The following IFNGR2 variants were observed in gnomAD, a reference collection of about 807,000 sequenced individuals.
IFNGR2 encodes IFN-gamma receptor 2.
Under a neutral mutation model 41.1 loss-of-function variants are expected in IFNGR2, and 15 were observed. The observed-to-expected ratio is 0.37, with a 90% CI of 0.24 to 0.56. The LOEUF is 0.56. Ranked by LOEUF, IFNGR2 falls within the 20% of genes least tolerant of loss-of-function variation. IFNGR2 has a pLI of 0.81. For synonymous variants in IFNGR2, 161 were observed against 171.6 expected (o/e 0.94, Z 0.48); for missense variants, 362 against 415.7 (o/e 0.87, Z 1.12).
In IFNGR2 at chr21:33,412,496, A is replaced by G. The variant is rs576994289; in HGVS notation, c.74-2392A>G. On this transcript the variant is annotated intron_variant, in intron 1 of 6. Transcript: ENST00000290219. The stretch of plus-strand genomic sequence containing the variant: ...GTCTAATCAAGCTGTGAGGTCCCCG[A>G]TACCGTCAAGGCCTGTCTCCTAAAT... Among the ~76,000 whole-genome samples, 3 of 152,310 alleles carry G rather than the reference A, an allele frequency of 2.0e-5. No homozygotes were observed. The East Asian group carries it at 5.8e-4, about 29-fold the overall frequency.
chr21:33,434,254 AC>A (rs2083920837), intron 6 of IFNGR2, among the ~76,000 whole-genome samples: 1 of 152,102 alleles, frequency 6.6e-6, no homozygotes, highest in Non-Finnish European at 1.5e-5. Context: ...GGGCGCAGTG[AC>A]CCACACCTGT....
intron 4 of IFNGR2, among the ~76,000 whole-genome samples, chr21:33,429,535 C>A (rs755975107): frequency 6.6e-6 from 1 of 152,108 alleles, no homozygotes; most frequent in Non-Finnish European, 1.5e-5. Flanking sequence ...GAGGAAAGTC[C>A]GCAGGTGTCC....
intron 2 of IFNGR2, 50 bp from the exon 3 acceptor site, chr21:33,421,430 A>T: frequency 7.0e-7 from 1 of 1,436,400 alleles, no homozygotes; most frequent in Non-Finnish European, 9.8e-7. Context: ...GGAAACTATT[A>T]CACATGAAAC....
intron 1 of IFNGR2, among the ~76,000 whole-genome samples, chr21:33,405,521 A>C (rs1272156476): frequency 6.6e-6 from 1 of 152,180 alleles, no homozygotes; most frequent in Non-Finnish European, 1.5e-5. Context: ...TGGGATCAGC[A>C]GGCGAGTGAC....
At chr21:33,428,076 C>T (rs1232191300) in intron 4 of IFNGR2, among the ~76,000 whole-genome samples, 2 of 151,912 alleles carry the variant, frequency 1.3e-5, no homozygotes, top group African/African-American at 4.8e-5. Context: ...GAATCCAAGT[C>T]GTTAAGTGGC....
intron 2 of IFNGR2, among the ~76,000 whole-genome samples, chr21:33,419,759 A>G (rs1367224052): frequency 6.6e-6 from 1 of 152,064 alleles, no homozygotes; most frequent in East Asian, 1.9e-4. Flanking sequence ...GTCAAAGGGG[A>G]TGGACTTACT....
At chr21:33,417,095 CT>C (rs1225477655) in intron 2 of IFNGR2, among the ~76,000 whole-genome samples, 53 of 143,034 alleles carry the variant, frequency 3.7e-4, no homozygotes, top group Middle Eastern at 7.1e-3. Flanking sequence ...CAGATAACTT[CT>C]TTTTTTTTTT....
chr21:33,427,009 T>C lies in IFNGR2; in HGVS notation c.538T>C (p.Trp180Arg), dbSNP rs1234315026. ...TAFFCYYVHY[W>R]EKGGIQQVKG... ...CTTTTTTTGTTATTATGTCCATTAC[T>C]GGGAAAAAGGAGGAATCCAACAGGC... Residue 180 changes from tryptophan to arginine, a missense_variant, in exon 4 of 7, where the codon TGG (tryptophan) becomes CGG (arginine). Trp to Arg is a moderately radical substitution (Grantham distance 101, BLOSUM62 -3). Coordinates refer to ENST00000290219, the MANE Select transcript of IFNGR2 (RefSeq NM_005534.4). The C allele has an allele frequency of 3.7e-6, 6 of 1,611,874 alleles. No individual in the cohort carries two copies. The Admixed American group carries it at 1.0e-4, about 27-fold the overall frequency.
intron 2 of IFNGR2, among the ~76,000 whole-genome samples, chr21:33,415,670 C>A (rs1387016105): frequency 6.6e-6 from 1 of 152,110 alleles, no homozygotes; most frequent in Non-Finnish European, 1.5e-5. Flanking sequence ...TTTGGTAAAC[C>A]AAATGTAAAG....
intron 3 of IFNGR2, among the ~76,000 whole-genome samples, chr21:33,424,943 CTT>C (rs1568958702): frequency 1.3e-5 from 2 of 151,898 alleles, no homozygotes; most frequent in African/African-American, 2.4e-5. Flanking sequence ...GAGTTTCACT[CTT>C]GTCACCCGGG....
intron 4 of IFNGR2, among the ~76,000 whole-genome samples, chr21:33,431,006 G>C (rs971654216): frequency 2.0e-5 from 3 of 152,194 alleles, no homozygotes; most frequent in Non-Finnish European, 4.4e-5. Context: ...CAGGACAACA[G>C]GAGCCATTGC....
chr21:33,437,100 A>T lies in IFNGR2; in HGVS notation c.*138A>T. On this transcript the variant is annotated 3_prime_UTR_variant, in exon 7 of 7. Coordinates refer to ENST00000290219, the MANE Select transcript of IFNGR2 (RefSeq NM_005534.4). ...AGGCCTGTCCCTGCAGACATGAGAGACAGCAGGTCTCATGGGGGTGACAAG... is the reference window on the plus strand; with the variant it reads ...AGGCCTGTCCCTGCAGACATGAGAGTCAGCAGGTCTCATGGGGGTGACAAG... 1.3e-6 allele frequency: 1 copy of T among 755,416 alleles called. No individual in the cohort carries two copies. 46.8% of individuals were successfully genotyped at this position (755,416 alleles called of 1,614,324 possible). A position where few individuals can be genotyped will look rare whatever the true frequency, so the allele number is the denominator to read the frequency against.
At chr21:33,405,043 CGA>C in intron 1 of IFNGR2, among the ~76,000 whole-genome samples, 1 of 149,294 alleles carries the variant, frequency 6.7e-6, no homozygotes, top group East Asian at 2.0e-4. Context: ...CACTTGAACC[CGA>C]GAGCTGAGAT....
chr21:33,423,479 GCCTCCTGGGTTCAAGTGATTCTC>G (rs2083811879), intron 3 of IFNGR2, among the ~76,000 whole-genome samples: 1 of 151,702 alleles, frequency 6.6e-6, no homozygotes, highest in South Asian at 2.1e-4. Flanking sequence ...TGCAACCTCT[GCCTCCTGGGTTCAAGTGATTCTC>G]CCTCCCGGGT....
At chr21:33,412,232 G>A (rs1375095032) in intron 1 of IFNGR2, among the ~76,000 whole-genome samples, 1 of 152,156 alleles carries the variant, frequency 6.6e-6, no homozygotes, top group Non-Finnish European at 1.5e-5. Context: ...GGAAAGAGCC[G>A]GGTCCAGCTG....
chr21:33,403,692 G>A, intron 1 of IFNGR2, 76 bp downstream of exon 1: 1 of 1,016,320 alleles, frequency 9.8e-7, no homozygotes, highest in Non-Finnish European at 1.3e-6. Flanking sequence ...CTCCCGGATC[G>A]TGGGGTGGGG....
chr21:33,403,035 C>T (rs1384312725), upstream of IFNGR2: 1 of 147,174 alleles, frequency 6.8e-6, no homozygotes, highest in East Asian at 2.0e-4. Flanking sequence ...TTAAAGCAAA[C>T]ATTTCGACTA....
At chr21:33,433,469 C>T (rs771667447) in intron 6 of IFNGR2, among the ~76,000 whole-genome samples, 1 of 152,346 alleles carries the variant, frequency 6.6e-6, no homozygotes, top group East Asian at 1.9e-4. Flanking sequence ...TCCTACCACA[C>T]ACATGGACCT....
chr21:33,427,043 C>T lies in IFNGR2; in HGVS notation c.561+11C>T. The T allele has an allele frequency of 6.2e-7, 1 of 1,609,050 alleles. No homozygotes were observed. The highest frequency in any genetic ancestry group is 8.5e-7 in the Non-Finnish European group (1 of 1,175,810). Reference sequence around the variant, plus strand: ...GGAGGAATCCAACAGGCAAGAGCATCTTTCTTTTTTGTTTGGATTTTCTTT... The same window carrying T: ...GGAGGAATCCAACAGGCAAGAGCATTTTTCTTTTTTGTTTGGATTTTCTTT... On this transcript the variant is annotated intron_variant, in intron 4 of 6. Coordinates refer to ENST00000290219, the MANE Select transcript of IFNGR2 (RefSeq NM_005534.4).
Sources: gnomAD v4.1 joint callset for allele counts (sites outside exome capture counted in the v4.1 genomes callset) on GRCh38, gnomAD v4.1.1 for gene constraint, MANE v1.5 for transcripts, NCBI Gene and HGNC (gene_info 2026-07-23, HGNC 2026-07-21) for gene names.